The following MYO1A variants were observed in gnomAD, a reference collection of about 807,000 sequenced individuals.
MYO1A encodes unconventional myosin-Ia.
In MYO1A, 127 loss-of-function variants were observed where a neutral mutation model predicts 138.5. That is an observed-to-expected ratio of 0.92 (90% CI 0.79 to 1.06). The LOEUF is 1.06. Among genes scored for constraint, MYO1A ranks in the 50% least tolerant of loss-of-function variants. The pLI is 0.00. For synonymous variants in MYO1A, 477 were observed against 497.5 expected (o/e 0.96, Z 0.55); for missense variants, 1,211 against 1,288.8 (o/e 0.94, Z 0.92).
chr12:57,035,497 A>G (rs1265642364), intron 22 of MYO1A, among the ~76,000 whole-genome samples: 1 of 152,202 alleles, frequency 6.6e-6, no homozygotes, highest in East Asian at 1.9e-4. Context: ...TGTCTGAATG[A>G]GCACAGTCAG....
Position 57,036,576 on chromosome 12 carries a change from C to T in MYO1A, c.2275-195G>A, listed in dbSNP as rs544009076. On this transcript the variant is annotated intron_variant, in intron 21 of 27. Coordinates refer to ENST00000300119, the MANE Select transcript of MYO1A (RefSeq NM_005379.4). ...GGCAAAGTTCTGCTGCCAAGTTAGG[C>T]ATCTACCCACCCAGACACCTCTACA... 2.0e-5 allele frequency among the ~76,000 whole-genome samples: 3 copies of T among 152,306 alleles called. No individual in the cohort carries two copies. The South Asian group carries it at 6.2e-4, about 32-fold the overall frequency.
Position 57,041,424 on chromosome 12 carries a change from A to C in MYO1A, c.1164+8T>G. ...GGGGAGCAGGGTGCTGAGGTGAGGCACTCTCACCTCTAATATCTCAAAACC... is the reference window on the plus strand; with the variant it reads ...GGGGAGCAGGGTGCTGAGGTGAGGCCCTCTCACCTCTAATATCTCAAAACC... On this transcript the variant is annotated splice_region_variant and intron_variant, in intron 13 of 27. Transcript: ENST00000300119. The C allele has an allele frequency of 6.2e-7, 1 of 1,608,674 alleles. No homozygotes were observed. Among genetic ancestry groups the C allele is most frequent in the Non-Finnish European group, 8.5e-7 (1 of 1,175,312 alleles).
intron 4 of MYO1A, 44 bp downstream of exon 4, chr12:57,047,583 G>A: frequency 1.3e-6 from 2 of 1,598,174 alleles, no homozygotes; most frequent in Non-Finnish European, 1.7e-6. Flanking sequence ...CAAGGAAGCA[G>A]TTCCAGAGGT....
intron 24 of MYO1A, 147 bp from the exon 25 acceptor site, chr12:57,030,019 C>T (rs781522947): frequency 5.0e-6 from 7 of 1,392,128 alleles, no homozygotes; most frequent in Non-Finnish European, 6.0e-6. Context: ...AGGACCAAGA[C>T]ATCAGCACCA....
intron 8 of MYO1A, among the ~76,000 whole-genome samples, chr12:57,046,120 G>GACAGCTTC (rs1417060445): frequency 6.6e-6 from 1 of 152,176 alleles, no homozygotes; most frequent in Non-Finnish European, 1.5e-5. Flanking sequence ...GTAGACCCAG[G>GACAGCTTC]ACAGCTTCAA....
intron 22 of MYO1A, among the ~76,000 whole-genome samples, chr12:57,032,637 C>T (rs1330871404): frequency 6.6e-6 from 1 of 151,750 alleles, no homozygotes; most frequent in Non-Finnish European, 1.5e-5. Context: ...GAGCCAAGAT[C>T]GCACCACTGC....
chr12:57,028,998 G>T lies in MYO1A; in HGVS notation c.3006-117C>A. The T allele has an allele frequency of 2.5e-6, 4 of 1,593,416 alleles. No homozygotes were observed. In the South Asian group the frequency reaches 4.4e-5, roughly 18 times the overall value. Reference sequence around the variant, plus strand: ...GGACTTGAGGCCCCAGAGAACCTGGGTGGGGGCCTGAGAAACACCTCCAAG... The same window carrying T: ...GGACTTGAGGCCCCAGAGAACCTGGTTGGGGGCCTGAGAAACACCTCCAAG... On this transcript the variant is annotated intron_variant, in intron 27 of 27. Transcript: ENST00000300119.
At chr12:57,041,683 G>C (rs985812311) in intron 12 of MYO1A, among the ~76,000 whole-genome samples, 186 bp from the exon 13 acceptor site, 26 of 152,176 alleles carry the variant, frequency 1.7e-4, no homozygotes, top group African/African-American at 6.0e-4. Context: ...AAAGAGGGAG[G>C]AAAGGAGGAA....
chr12:57,038,142 T>C (rs1212419835), intron 17 of MYO1A, 73 bp from the exon 18 acceptor site: 1 of 1,531,596 alleles, frequency 6.5e-7, no homozygotes, highest in Admixed American at 1.7e-5. Context: ...CATATTCCCC[T>C]ATGCTGCACA....
chr12:57,041,854 AT>A (rs564404901), intron 12 of MYO1A, among the ~76,000 whole-genome samples: 5 of 152,206 alleles, frequency 3.3e-5, no homozygotes, highest in Non-Finnish European at 7.3e-5. Context: ...TATTGTTCCC[AT>A]TTTACAGATA....
chr12:57,028,711 G>A lies in MYO1A; in HGVS notation c.*44C>T. 1 of 1,611,510 alleles carries A rather than the reference G, an allele frequency of 6.2e-7. No homozygotes were observed. The highest frequency in any genetic ancestry group is 8.5e-7 in the Non-Finnish European group (1 of 1,178,548). ...AGGAGGGCAGAGGGGGATTAGTGCT[G>A]GTTCAGGAGGAAGCAACTGCCATCT... is the stretch of plus-strand genomic sequence containing the variant. On this transcript the variant is annotated 3_prime_UTR_variant, in exon 28 of 28. Transcript: ENST00000300119.
chr12:57,048,172 C>T, intron 2 of MYO1A, 38 bp downstream of exon 2: 1 of 1,601,198 alleles, frequency 6.2e-7, no homozygotes, highest in South Asian at 1.1e-5. Flanking sequence ...CCTCTCCAGC[C>T]ACATATCCAC....
Position 57,029,240 on chromosome 12 carries a change from T to G in MYO1A, c.2897A>C (p.Lys966Thr), listed in dbSNP as rs373685200. The G allele has an allele frequency of 1.9e-6, 3 of 1,613,894 alleles. No homozygotes were observed. In the African/African-American group the frequency reaches 4.0e-5, roughly 22 times the overall value. The change falls in exon 27 of 28, where the codon AAG becomes ACG. Residue 966 changes from lysine (K) to threonine (T), a missense_variant. Coordinates refer to ENST00000300119, the MANE Select transcript of MYO1A (RefSeq NM_005379.4). ...HLSEMSSVGS[K>T]GDFLLVSEHV... ...CTCGCTGACCAGCAGGAAGTCCCCC[T>G]TGGAGCCCACCGATGACATCTTAGG... is the stretch of plus-strand genomic sequence containing the variant.
Position 57,037,066 on chromosome 12 carries a change from C to A in MYO1A, c.2081G>T (p.Arg694Leu), listed in dbSNP as rs759368111. The change falls in exon 20 of 28, where the codon CGC (arginine) becomes CTC (leucine). Residue 694 changes from arginine (R) to leucine (L), a missense_variant. Arg to Leu is a moderately radical substitution (Grantham distance 102). Coordinates refer to ENST00000300119, the MANE Select transcript of MYO1A (RefSeq NM_005379.4). ...KTLFYLEEQR[R>L]LRLQQLATLI... is the part of the protein sequence containing the mutation. ...TGTGGCCAGCTGCTGGAGTCTCAGG[C>A]GCCTCTGTTCTTCGAGGTAGAAAAG... 6.2e-6 allele frequency: 10 copies of A among 1,614,108 alleles called. No homozygotes were observed. Among genetic ancestry groups the A allele is most frequent in the Non-Finnish European group, 8.5e-6 (10 of 1,180,012 alleles).
chr12:57,037,587 G>A lies in MYO1A; in HGVS notation c.2016C>T (p.Ala672=). ...GELSMSSGEL[A]FGKTKIFIRS... is the part of the protein sequence containing the mutation. Reference sequence around the variant, plus strand: ...TAATGAAGATCTTTGTCTTGCCAAAGGCCAGCTCCCCCGAGGACATGCTCA... The same window carrying A: ...TAATGAAGATCTTTGTCTTGCCAAAAGCCAGCTCCCCCGAGGACATGCTCA... The change falls in exon 19 of 28, where the codon GCC becomes GCT. Residue 672 remains alanine (A), a synonymous_variant. Transcript: ENST00000300119. The A allele has an allele frequency of 6.2e-7, 1 of 1,614,144 alleles. No homozygotes were observed. The highest frequency in any genetic ancestry group is 8.5e-7 in the Non-Finnish European group (1 of 1,180,034).
chr12:57,047,307 C>A lies in MYO1A; in HGVS notation c.426G>T (p.Leu142=), dbSNP rs1241614963. 6.2e-7 allele frequency: 1 copy of A among 1,613,594 alleles called. No individual in the cohort carries two copies. Among genetic ancestry groups the A allele is most frequent in the Non-Finnish European group, 8.5e-7 (1 of 1,179,520 alleles). The change falls in exon 5 of 28, where the codon CTG becomes CTT. Residue 142 remains leucine, a synonymous_variant. Transcript: ENST00000300119. ...KEQLLQSNPV[L]EAFGNAKTIR... ...GGCAGAGAGCAGAATTCTCACCCTCCAGCACTGGGTTAGACTGTAGCAGCT... is the reference window on the plus strand; with the variant it reads ...GGCAGAGAGCAGAATTCTCACCCTCAAGCACTGGGTTAGACTGTAGCAGCT...
At chr12:57,032,114 T>C (rs1009274973) in intron 22 of MYO1A, among the ~76,000 whole-genome samples, 4 of 152,196 alleles carry the variant, frequency 2.6e-5, no homozygotes, top group African/African-American at 7.2e-5. Flanking sequence ...CTCAAAGCCC[T>C]CCCTGATTCC....
At chr12:57,038,152 A>C in intron 17 of MYO1A, 83 bp from the exon 18 acceptor site, 1 of 1,486,828 alleles carries the variant, frequency 6.7e-7, no homozygotes, top group Non-Finnish European at 9.4e-7. Flanking sequence ...TATGCTGCAC[A>C]CGGTGCACTT....
chr12:57,030,432 G>T, intron 23 of MYO1A, 116 bp from the exon 24 acceptor site: 1 of 855,732 alleles, frequency 1.2e-6, no homozygotes, highest in Non-Finnish European at 1.9e-6. Context: ...GAGGAAAAAG[G>T]ACAGGCACTA....
Sources: allele counts gnomAD v4.1 joint callset (sites outside exome capture counted in the v4.1 genomes callset), GRCh38; gene constraint gnomAD v4.1.1; transcripts MANE v1.5; gene names NCBI Gene and HGNC (gene_info 2026-07-23, HGNC 2026-07-21).